The following ADAM12 variants were observed in gnomAD, a reference collection of about 807,000 sequenced individuals.
ADAM12 encodes disintegrin and metalloproteinase domain-containing protein 12.
ADAM12 carries 70 observed loss-of-function variants against 106.4 expected under a neutral mutation model. The ratio of observed to expected loss-of-function variants is 0.66; its 90% confidence interval spans 0.54 to 0.80. The LOEUF (loss-of-function observed/expected upper bound fraction) is 0.80. Ranked by LOEUF, ADAM12 falls within the 30% of genes least tolerant of loss-of-function variation. The probability of loss-of-function intolerance (pLI) is 0.00; values close to 1 mark genes in which losing one functional copy is unlikely to be tolerated. For missense variants in ADAM12, 1,010 were observed against 1,171.9 expected (o/e 0.86, Z 2.02); for synonymous variants, 420 against 433.5 (o/e 0.97, Z 0.39).
Position 126,113,719 on chromosome 10 carries a change from T to A in ADAM12, c.604-3879A>T, listed in dbSNP as rs1202672600. On this transcript the variant is annotated intron_variant, in intron 6 of 22. Transcript: ENST00000448723. Reference sequence around the variant, plus strand: ...ATATATATATATATATATATATATATATATATATATATAATATATTGCTCT... The same window carrying A: ...ATATATATATATATATATATATATAAATATATATATATAATATATTGCTCT... 2.7e-4 allele frequency among the ~76,000 whole-genome samples: 12 copies of A among 43,650 alleles called. No homozygotes were observed. In the East Asian group the frequency reaches 4.9e-3, roughly 18 times the overall value. 28.6% of individuals were successfully genotyped at this position (43,650 alleles called of 152,430 possible). A position where few individuals can be genotyped will look rare whatever the true frequency, so the allele number is the denominator to read the frequency against.
chr10:126,279,000 A>G lies in ADAM12; in HGVS notation c.187-12T>C. On this transcript the variant is annotated splice_polypyrimidine_tract_variant and intron_variant, in intron 2 of 22. Transcript: ENST00000448723. Reference sequence around the variant, plus strand: ...ACTTCTGGATGATTCTGAAAGATAAACAACAAAAGTCAGTTGAAAAACGCT... The same window carrying G: ...ACTTCTGGATGATTCTGAAAGATAAGCAACAAAAGTCAGTTGAAAAACGCT... 6.2e-7 allele frequency: 1 copy of G among 1,609,004 alleles called. No homozygotes were observed. The highest frequency in any genetic ancestry group is 1.1e-5 in the South Asian group (1 of 90,604).
chr10:126,294,916 A>ATG (rs995220381), intron 2 of ADAM12, among the ~76,000 whole-genome samples: 15 of 118,396 alleles, frequency 1.3e-4, no homozygotes, highest in Non-Finnish European at 2.3e-4. Flanking sequence ...GTGTGTGTGT[A>ATG]TGTGTGTGTG....
chr10:126,236,743 C>T lies in ADAM12; in HGVS notation c.260+42172G>A, dbSNP rs139409744. Among the ~76,000 whole-genome samples, 314 of 151,880 alleles carry T rather than the reference C, an allele frequency of 2.1e-3. 2 individuals carry two copies. The highest frequency in any genetic ancestry group is 7.4e-3 in the African/African-American group (308 of 41,418). On this transcript the variant is annotated intron_variant, in intron 3 of 22. Coordinates refer to ENST00000448723, the MANE Select transcript of ADAM12 (RefSeq NM_001288973.2). ...AGGAAGGAGTACTCACAGGAAGGAG[C>T]ACCTACAGGAAGGAGCATCACAGGA...
chr10:126,092,303 A>C (rs1437794515), intron 11 of ADAM12, among the ~76,000 whole-genome samples: 1 of 152,188 alleles, frequency 6.6e-6, no homozygotes, highest in African/African-American at 2.4e-5. Context: ...CACGAAGGCC[A>C]CTCAGTTGCA....
chr10:126,287,094 T>A (rs1959902120), intron 2 of ADAM12, among the ~76,000 whole-genome samples: 1 of 152,256 alleles, frequency 6.6e-6, no homozygotes, highest in African/African-American at 2.4e-5. Context: ...TGATTGTTAA[T>A]CCTCAGATTT....
At chr10:126,022,431 G>A (rs1039848958) in intron 21 of ADAM12, among the ~76,000 whole-genome samples, 2 of 152,196 alleles carry the variant, frequency 1.3e-5, no homozygotes, top group African/African-American at 4.8e-5. Context: ...TGTTGCCTAG[G>A]TAAGATGCTG....
At chr10:126,314,100 G>C (rs1277861131) in intron 2 of ADAM12, among the ~76,000 whole-genome samples, 1 of 152,134 alleles carries the variant, frequency 6.6e-6, no homozygotes, top group Non-Finnish European at 1.5e-5. Flanking sequence ...AGCCAAGCCA[G>C]GAATAAGATG....
intron 3 of ADAM12, among the ~76,000 whole-genome samples, chr10:126,197,371 T>C (rs540317269): frequency 2.0e-5 from 3 of 152,256 alleles, no homozygotes; most frequent in South Asian, 4.1e-4. Context: ...TCGGGATACA[T>C]GTCCCAGGCT....
rs1339534294 is a variant in ADAM12 at position 126,096,426 on chromosome 10, A to C, written c.996+1990T>G. Among the ~76,000 whole-genome samples the C allele has an allele frequency of 2.0e-5, 3 of 152,266 alleles. No homozygotes were observed. In the Middle Eastern group the frequency reaches 9.5e-3, roughly 482 times the overall value. The stretch of plus-strand genomic sequence containing the variant: ...ATGTTATTAATATTATTTCCAAAGC[A>C]AGGCTGTTTTAGGCCAGTTAGATAA... On this transcript the variant is annotated intron_variant, in intron 10 of 22. Transcript: ENST00000448723.
At chr10:126,147,112 G>C (rs953437246) in intron 4 of ADAM12, among the ~76,000 whole-genome samples, 1 of 152,194 alleles carries the variant, frequency 6.6e-6, no homozygotes, top group Admixed American at 6.5e-5. Context: ...CTTACCTGAT[G>C]GTCCAGCCTC....
rs146376706 is a variant in ADAM12, at chr10:126,182,180, G to A, written c.261-26875C>T. 4.4e-3 allele frequency among the ~76,000 whole-genome samples: 667 copies of A among 152,288 alleles called. 4 individuals are homozygous for A. The highest frequency in any genetic ancestry group is 0.015 in the African/African-American group (634 of 41,546). On this transcript the variant is annotated intron_variant, in intron 3 of 22. Coordinates refer to ENST00000448723, the MANE Select transcript of ADAM12 (RefSeq NM_001288973.2). ...GTGGCTGGTGAGTTTCCTTTGAGATGCCTTGTCAGAATTATATACCAAAAA... is the reference window on the plus strand; with the variant it reads ...GTGGCTGGTGAGTTTCCTTTGAGATACCTTGTCAGAATTATATACCAAAAA...
intron 4 of ADAM12, among the ~76,000 whole-genome samples, chr10:126,145,884 C>T (rs1016435857): frequency 6.6e-6 from 1 of 152,094 alleles, no homozygotes; most frequent in Non-Finnish European, 1.5e-5. Flanking sequence ...AAGGTAGGGC[C>T]GTCACCACTG....
intron 3 of ADAM12, among the ~76,000 whole-genome samples, chr10:126,228,027 G>A (rs1958234156): frequency 6.6e-6 from 1 of 152,186 alleles, no homozygotes; most frequent in South Asian, 2.1e-4. Context: ...GGGTGGAGAC[G>A]AGCTTCCAGA....
At chr10:126,357,961 A>G (rs920187707) in intron 1 of ADAM12, among the ~76,000 whole-genome samples, 1 of 152,202 alleles carries the variant, frequency 6.6e-6, no homozygotes, top group African/African-American at 2.4e-5. Flanking sequence ...CCAAAAATTG[A>G]AGAGGAAAGA....
At chr10:126,149,382 G>A (rs1439566595) in intron 4 of ADAM12, among the ~76,000 whole-genome samples, 3 of 152,140 alleles carry the variant, frequency 2.0e-5, no homozygotes, top group Admixed American at 6.5e-5. Context: ...CTATTTCTTC[G>A]TCTTCTTGCT....
chr10:126,041,703 A>AG, intron 18 of ADAM12: 1 of 1,011,938 alleles, frequency 9.9e-7, no homozygotes, highest in Non-Finnish European at 1.2e-6. Context: ...TTGCAGCCAG[A>AG]GACCAGTCAT....
chr10:126,249,457 C>T lies in ADAM12; in HGVS notation c.260+29458G>A, dbSNP rs373748443. 9.2e-5 allele frequency among the ~76,000 whole-genome samples: 14 copies of T among 152,278 alleles called. No individual in the cohort carries two copies. In the East Asian group the frequency reaches 9.7e-4, roughly 11 times the overall value. The stretch of plus-strand genomic sequence containing the variant: ...GCTCATGCCTGTAATCCCAGCACTT[C>T]GGGAGGCCGAGGCGGGAGGATCACG... On this transcript the variant is annotated intron_variant, in intron 3 of 22. Coordinates refer to ENST00000448723, the MANE Select transcript of ADAM12 (RefSeq NM_001288973.2).
chr10:126,286,254 T>G (rs1488305214), intron 2 of ADAM12, among the ~76,000 whole-genome samples: 2 of 152,010 alleles, frequency 1.3e-5, no homozygotes, highest in Admixed American at 6.6e-5. Context: ...TGAGGGTGAA[T>G]TAATGTGGCA....
chr10:126,309,964 G>A (rs1054347129), intron 2 of ADAM12, among the ~76,000 whole-genome samples: 1 of 152,036 alleles, frequency 6.6e-6, no homozygotes, highest in African/African-American at 2.4e-5. Context: ...TTCAAGACCA[G>A]CCGGGCCAAC....
Sources: allele counts gnomAD v4.1 joint callset (sites outside exome capture counted in the v4.1 genomes callset), GRCh38; gene constraint gnomAD v4.1.1; transcripts MANE v1.5; gene names NCBI Gene and HGNC (gene_info 2026-07-23, HGNC 2026-07-21).